The following SKAP1 variants were observed in gnomAD, a reference collection of about 807,000 sequenced individuals.
SKAP1 encodes the protein src kinase associated phosphoprotein 1, also known as src kinase-associated phosphoprotein 1.
Under a neutral mutation model 58.5 loss-of-function variants are expected in SKAP1, and 44 were observed. That is an observed-to-expected ratio of 0.75 (90% CI 0.59 to 0.97). The LOEUF (loss-of-function observed/expected upper bound fraction) is 0.97. Among genes scored for constraint, SKAP1 ranks in the 50% least tolerant of loss-of-function variants. The probability of loss-of-function intolerance (pLI) is 0.00; values close to 1 mark genes in which losing one functional copy is unlikely to be tolerated. For missense variants in SKAP1, 390 were observed against 435.2 expected, an observed-to-expected ratio of 0.90 and a Z score of 0.92; for synonymous variants, 127 against 149.7, an observed-to-expected ratio of 0.85 and a Z score of 1.11.
chr17:48,134,177 C>A (rs2063671527), intron 12 of SKAP1, among the ~76,000 whole-genome samples: 1 of 152,032 alleles, frequency 6.6e-6, no homozygotes, highest in Admixed American at 6.6e-5. Flanking sequence ...TTGACTAGTT[C>A]TCTGTTAAAC....
intron 1 of SKAP1, among the ~76,000 whole-genome samples, chr17:48,410,082 AGTT>A (rs1315407929): frequency 1.3e-5 from 2 of 152,194 alleles, no homozygotes; most frequent in Non-Finnish European, 2.9e-5. Context: ...TAGTCAATAA[AGTT>A]GTTTGCCATG....
intron 4 of SKAP1, among the ~76,000 whole-genome samples, chr17:48,250,816 T>G (rs2065355828): frequency 6.6e-6 from 1 of 152,060 alleles, no homozygotes; most frequent in Non-Finnish European, 1.5e-5. Flanking sequence ...GATTAAGAAA[T>G]GTCACCATAA....
At chr17:48,290,653 G>A (rs2065888096) in intron 4 of SKAP1, among the ~76,000 whole-genome samples, 1 of 150,306 alleles carries the variant, frequency 6.7e-6, no homozygotes. Context: ...ATTGCCCCCT[G>A]AGGAATGCAA....
At chr17:48,163,547 C>T (rs2064097732) in intron 10 of SKAP1, among the ~76,000 whole-genome samples, 2 of 152,144 alleles carry the variant, frequency 1.3e-5, no homozygotes, top group Admixed American at 1.3e-4. Flanking sequence ...TGCTCTGTAT[C>T]AGAGCTGTGA....
chr17:48,261,196 T>C (rs903494548), intron 4 of SKAP1, among the ~76,000 whole-genome samples: 1 of 152,164 alleles, frequency 6.6e-6, no homozygotes, highest in African/African-American at 2.4e-5. Flanking sequence ...GCAAGGATGT[T>C]TATCTGAATT....
At chr17:48,183,038 C>T (rs1304836433) in intron 7 of SKAP1, among the ~76,000 whole-genome samples, 1 of 152,112 alleles carries the variant, frequency 6.6e-6, no homozygotes, top group Non-Finnish European at 1.5e-5. Context: ...GACTGAAGAA[C>T]AATAACAGAT....
At chr17:48,154,624 C>T (rs2063947997) in intron 11 of SKAP1, among the ~76,000 whole-genome samples, 1 of 152,126 alleles carries the variant, frequency 6.6e-6, no homozygotes, top group South Asian at 2.1e-4. Flanking sequence ...GAAGATCTCA[C>T]CCAGTGGCCT....
intron 1 of SKAP1, among the ~76,000 whole-genome samples, chr17:48,421,967 C>T (rs1369092575): frequency 6.6e-6 from 1 of 152,134 alleles, no homozygotes; most frequent in Non-Finnish European, 1.5e-5. Context: ...AATCTCAGCA[C>T]TTTGGGAGGC....
At position 48,186,454 on chromosome 17, in the gene SKAP1, TTTTATTTATTTA is replaced by T. The variant is rs58026898; in HGVS notation, c.442+1377_442+1388del. On this transcript the variant is annotated intron_variant, in intron 6 of 12. Coordinates refer to ENST00000336915, the MANE Select transcript of SKAP1 (RefSeq NM_003726.4). The stretch of plus-strand genomic sequence containing the variant: ...TCAAGTCACTTAGCAAAGCTGCAGT[TTTTATTTATTTA>T]TTTATTTATTTATTTATTTATTTAT... Among the ~76,000 whole-genome samples, 846 of 148,558 alleles carry T rather than the reference TTTTATTTATTTA, an allele frequency of 5.7e-3. 5 individuals are homozygous for T. Among genetic ancestry groups the T allele is most frequent in the African/African-American group, 0.014 (567 of 39,946 alleles).
At chr17:48,300,585 A>G (rs1168207200) in intron 4 of SKAP1, among the ~76,000 whole-genome samples, 1 of 152,170 alleles carries the variant, frequency 6.6e-6, no homozygotes, top group Non-Finnish European at 1.5e-5. Flanking sequence ...ATATTATACC[A>G]AGAGAGAGTG....
At chr17:48,283,979 T>A (rs985451275) in intron 4 of SKAP1, among the ~76,000 whole-genome samples, 2 of 152,212 alleles carry the variant, frequency 1.3e-5, no homozygotes, top group Non-Finnish European at 2.9e-5. Flanking sequence ...TTAGAATGCC[T>A]GGGATGTAAC....
chr17:48,136,519 G>C (rs1306480693), intron 12 of SKAP1: 2 of 152,244 alleles, frequency 1.3e-5, no homozygotes, highest in African/African-American at 4.8e-5. Context: ...GTTGCAGACA[G>C]GATGGCTGGA....
chr17:48,172,160 T>C (rs550377594), intron 9 of SKAP1, among the ~76,000 whole-genome samples: 9 of 152,342 alleles, frequency 5.9e-5, no homozygotes, highest in African/African-American at 2.2e-4. Flanking sequence ...GTCATGTACA[T>C]AATTTTATGT....
At chr17:48,253,124 C>A (rs1211313387) in intron 4 of SKAP1, among the ~76,000 whole-genome samples, 1 of 152,078 alleles carries the variant, frequency 6.6e-6, no homozygotes, top group Middle Eastern at 3.2e-3. Context: ...GTGAGCCATC[C>A]TAGCTCTTAC....
chr17:48,290,073 A>G (rs2144074075), intron 4 of SKAP1, among the ~76,000 whole-genome samples: 1 of 152,312 alleles, frequency 6.6e-6, no homozygotes, highest in South Asian at 2.1e-4. Flanking sequence ...ATAAGATCTC[A>G]AAATTTTGAG....
At chr17:48,387,699 T>C (rs2067294902) in intron 2 of SKAP1, among the ~76,000 whole-genome samples, 1 of 152,234 alleles carries the variant, frequency 6.6e-6, no homozygotes, top group Non-Finnish European at 1.5e-5. Context: ...ACCTCTGTCA[T>C]TTTTAATACC....
chr17:48,293,243 T>C (rs2065921297), intron 4 of SKAP1, among the ~76,000 whole-genome samples: 1 of 152,244 alleles, frequency 6.6e-6, no homozygotes, highest in Admixed American at 6.5e-5. Flanking sequence ...CGTACTTTTA[T>C]ATTCAATAAA....
intron 4 of SKAP1, chr17:48,231,830 G>C (rs2065129209): frequency 1.3e-5 from 2 of 152,158 alleles, no homozygotes; most frequent in African/African-American, 4.8e-5. Flanking sequence ...TTCTTACACT[G>C]ATGGATAAGT....
intron 12 of SKAP1, among the ~76,000 whole-genome samples, chr17:48,135,368 C>A (rs1251612042): frequency 6.6e-6 from 1 of 152,198 alleles, no homozygotes; most frequent in Non-Finnish European, 1.5e-5. Context: ...TTAATTCTAA[C>A]CAAAACCCAC....
Sources: gnomAD v4.1 joint callset for allele counts (sites outside exome capture counted in the v4.1 genomes callset) on GRCh38, gnomAD v4.1.1 for gene constraint, MANE v1.5 for transcripts, NCBI Gene and HGNC (gene_info 2026-07-23, HGNC 2026-07-21) for gene names.